Variants in EFR3A observed in about 807,000 individuals in gnomAD.
EFR3A encodes the protein protein EFR3 homolog A.
EFR3A carries 76 observed loss-of-function variants against 104.4 expected under a neutral mutation model. The ratio of observed to expected loss-of-function variants is 0.73; its 90% CI spans 0.60 to 0.88. The LOEUF (loss-of-function observed/expected upper bound fraction) is 0.88. Ranked by LOEUF, EFR3A falls within the 40% of genes least tolerant of loss-of-function variation. The pLI is 0.00. For missense variants in EFR3A, 985 were observed against 1,012.5 expected (o/e 0.97, Z 0.37); for synonymous variants, 330 against 330.0 (o/e 1.00, Z 0.00).
rs186435147 is a variant in EFR3A, at chr8:131,996,871, G to A, written c.2157+374G>A. ...ACTTATTTTTAAAAATTTAGGAAAT[G>A]CAAATTACAGAAATAAATAGAACTA... is the stretch of plus-strand genomic sequence containing the variant. On this transcript the variant is annotated intron_variant, in intron 19 of 22. Transcript: ENST00000254624. Among the ~76,000 whole-genome samples, 425 of 152,126 alleles carry A rather than the reference G, an allele frequency of 2.8e-3. 2 individuals carry two copies. Among genetic ancestry groups the A allele is most frequent in the Middle Eastern group, 0.017 (5 of 294 alleles).
chr8:131,968,556 T>G, intron 9 of EFR3A, 126 bp downstream of exon 9: 2 of 1,051,388 alleles, frequency 1.9e-6, no homozygotes, highest in South Asian at 2.1e-5. Context: ...TACAATAATT[T>G]TTTTTGAAAT....
rs534512950 is a variant in EFR3A, at chr8:131,971,055, A to G, written c.1159+412A>G. Among the ~76,000 whole-genome samples, 280 of 152,252 alleles carry G rather than the reference A, an allele frequency of 1.8e-3. 2 individuals carry two copies. Among genetic ancestry groups the G allele is most frequent in the African/African-American group, 6.5e-3 (270 of 41,550 alleles). ...CAGGAAGTTGCATACATCATGGTCT[A>G]TTACCACTAAATACTTTGATGTATT... is the stretch of plus-strand genomic sequence containing the variant. On this transcript the variant is annotated intron_variant, in intron 10 of 22. Coordinates refer to ENST00000254624, the MANE Select transcript of EFR3A (RefSeq NM_015137.6).
intron 8 of EFR3A, among the ~76,000 whole-genome samples, chr8:131,964,801 C>T (rs1424321843): frequency 6.6e-6 from 1 of 152,164 alleles, no homozygotes; most frequent in African/African-American, 2.4e-5. Flanking sequence ...CATCACGCTA[C>T]CTGACTTCAA....
At chr8:131,998,861 A>G (rs1821637802) in intron 19 of EFR3A, among the ~76,000 whole-genome samples, 1 of 151,946 alleles carries the variant, frequency 6.6e-6, no homozygotes. Context: ...TATGCACACT[A>G]CACATATATA....
At chr8:131,935,215 G>C (rs1457343167) in intron 1 of EFR3A, among the ~76,000 whole-genome samples, 1 of 152,186 alleles carries the variant, frequency 6.6e-6, no homozygotes, top group Non-Finnish European at 1.5e-5. Context: ...ATGGTGGACA[G>C]TGTACTTTAT....
At chr8:131,982,727 T>C (rs750677888) in intron 14 of EFR3A, among the ~76,000 whole-genome samples, 1 of 152,164 alleles carries the variant, frequency 6.6e-6, no homozygotes, top group Non-Finnish European at 1.5e-5. Flanking sequence ...CTTTAATGTT[T>C]GTTAATGATG....
At chr8:132,003,721 T>C (rs1251247728) in intron 22 of EFR3A, among the ~76,000 whole-genome samples, 1 of 152,226 alleles carries the variant, frequency 6.6e-6, no homozygotes, top group African/African-American at 2.4e-5. Flanking sequence ...ATTTGAATTA[T>C]TGAACTTTCC....
intron 8 of EFR3A, among the ~76,000 whole-genome samples, chr8:131,962,124 A>G (rs796332271): frequency 6.6e-6 from 1 of 152,246 alleles, no homozygotes; most frequent in African/African-American, 2.4e-5. Context: ...TGTAAAGACC[A>G]TCGAGGCTAG....
chr8:131,991,133 TA>T (rs965160272), intron 18 of EFR3A, among the ~76,000 whole-genome samples: 1 of 152,120 alleles, frequency 6.6e-6, no homozygotes. Flanking sequence ...AGACAATTCT[TA>T]CATGGCAGTG....
intron 5 of EFR3A, among the ~76,000 whole-genome samples, chr8:131,950,914 A>G (rs1217016085): frequency 6.6e-6 from 1 of 152,168 alleles, no homozygotes; most frequent in East Asian, 1.9e-4. Context: ...TGAGACATAC[A>G]GAAATGAGAA....
intron 1 of EFR3A, among the ~76,000 whole-genome samples, chr8:131,917,481 CAGGGAAGATTAG>C (rs1361489655): frequency 6.6e-6 from 1 of 152,210 alleles, no homozygotes; most frequent in Admixed American, 6.5e-5. Context: ...TACAGTGGTT[CAGGGAAGATTAG>C]AGAGGGTTGA....
chr8:131,940,739 ATGCT>A, intron 2 of EFR3A, 164 bp downstream of exon 2: 1 of 1,173,838 alleles, frequency 8.5e-7, no homozygotes, highest in Non-Finnish European at 1.1e-6. Flanking sequence ...TAAATGACCC[ATGCT>A]TGCTTGTCTA....
At chr8:131,931,946 C>T (rs138265365) in intron 1 of EFR3A, among the ~76,000 whole-genome samples, 2,592 of 151,958 alleles carry the variant, frequency 0.017, 41 homozygotes, top group South Asian at 0.033. Flanking sequence ...CCTGGTTTGC[C>T]TAGGATGGTC....
intron 15 of EFR3A, 105 bp downstream of exon 15, chr8:131,984,405 T>A: frequency 8.8e-7 from 1 of 1,133,980 alleles, no homozygotes; most frequent in Non-Finnish European, 1.2e-6. Flanking sequence ...AAGGGAGGTA[T>A]CTAGTTGTAA....
Position 132,012,025 on chromosome 8 carries a change from A to G in EFR3A, c.*1130A>G, listed in dbSNP as rs1386773618. 1.3e-5 allele frequency: 2 copies of G among 152,172 alleles called. No individual in the cohort carries two copies. The highest frequency in any genetic ancestry group is 4.8e-5 in the African/African-American group (2 of 41,440). 9.4% of individuals were successfully genotyped at this position (152,172 alleles called of 1,614,324 possible). On this transcript the variant is annotated 3_prime_UTR_variant, in exon 23 of 23. Coordinates refer to ENST00000254624, the MANE Select transcript of EFR3A (RefSeq NM_015137.6). ...TGCACTCTACACATAACACTGACAG[A>G]CCCATAACATTACATACATCTTAGT...
intron 7 of EFR3A, among the ~76,000 whole-genome samples, chr8:131,956,580 T>G (rs541435147): frequency 6.6e-6 from 1 of 152,332 alleles, no homozygotes; most frequent in South Asian, 2.1e-4. Flanking sequence ...AAAATTCACC[T>G]TGTCCTTTTC....
At position 131,959,590 on chromosome 8, in the gene EFR3A, T is replaced by A. The variant is rs1819200194; in HGVS notation, c.782T>A (p.Leu261Ter). The A allele has an allele frequency of 6.2e-7, 1 of 1,611,146 alleles. No individual in the cohort carries two copies. Among genetic ancestry groups the A allele is most frequent in the Non-Finnish European group, 8.5e-7 (1 of 1,178,986 alleles). ...GTAATTTTTGTTATTTGCAGGCATTTAGATCATCACAAACTGTGGGATCCC... is the reference window on the plus strand; with the variant it reads ...GTAATTTTTGTTATTTGCAGGCATTAAGATCATCACAAACTGTGGGATCCC... ...NNAVRPVFAH[L>*]DHHKLWDPNE... Residue 261 changes from leucine to a stop codon, truncating the protein, a stop_gained, in exon 8 of 23, where the codon TTA becomes TAA. Coordinates refer to ENST00000254624, the MANE Select transcript of EFR3A (RefSeq NM_015137.6). LOFTEE classifies it high-confidence loss of function.
intron 14 of EFR3A, among the ~76,000 whole-genome samples, chr8:131,982,119 C>A (rs1038840431): frequency 3.3e-5 from 5 of 152,118 alleles, no homozygotes; most frequent in Admixed American, 6.6e-5. Flanking sequence ...CATCCTCTCC[C>A]CTACAGGTAA....
rs561371217 is a variant in EFR3A at position 131,987,710 on chromosome 8, GAGGATAATTAGA to G, written c.2065+10_2065+21del. 90 of 1,577,908 alleles carry G rather than the reference GAGGATAATTAGA, an allele frequency of 5.7e-5. No individual in the cohort carries two copies. The East Asian group carries it at 2.0e-3, about 36-fold the overall frequency. ...ATGTACCACAAGTAACAGGTAAGAG[GAGGATAATTAGA>G]ACTTTCACTCTGGTGATTGCTTATG... is the stretch of plus-strand genomic sequence containing the variant. On this transcript the variant is annotated intron_variant, in intron 18 of 22. Coordinates refer to ENST00000254624, the MANE Select transcript of EFR3A (RefSeq NM_015137.6).
Sources: allele counts gnomAD v4.1 joint callset (sites outside exome capture counted in the v4.1 genomes callset), GRCh38; gene constraint gnomAD v4.1.1; transcripts MANE v1.5; gene names NCBI Gene and HGNC (gene_info 2026-07-23, HGNC 2026-07-21).